Variants in ZAP70 observed in about 807,000 individuals in gnomAD.
ZAP70 encodes tyrosine-protein kinase ZAP-70.
In ZAP70, 27 loss-of-function variants were observed where a neutral mutation model predicts 65.8. The ratio of observed to expected loss-of-function variants is 0.41; its 90% CI spans 0.30 to 0.57. The LOEUF (loss-of-function observed/expected upper bound fraction) is 0.57. Ranked by LOEUF, ZAP70 falls within the 20% of genes least tolerant of loss-of-function variation. The pLI is 0.28. For missense variants in ZAP70, 696 were observed against 870.5 expected, an observed-to-expected ratio of 0.80 and a Z score of 2.52; for synonymous variants, 363 against 360.8, an observed-to-expected ratio of 1.01 and a Z score of -0.07.
chr2:97,715,607 C>T lies in ZAP70; in HGVS notation c.-22+1613C>T, dbSNP rs924716517. Among the ~76,000 whole-genome samples, 18 of 152,282 alleles carry T rather than the reference C, an allele frequency of 1.2e-4. No homozygotes were observed. The highest frequency in any genetic ancestry group is 3.9e-4 in the Admixed American group (6 of 15,300). Reference sequence around the variant, plus strand: ...ATCTGACCCTGACCCCGCACCAGCCCAGCTCTCCAGGGTCTCCTAATAGAC... The same window carrying T: ...ATCTGACCCTGACCCCGCACCAGCCTAGCTCTCCAGGGTCTCCTAATAGAC... On this transcript the variant is annotated intron_variant, in intron 2 of 13. Transcript: ENST00000264972. The surrounding 1 kb of genome is among the most constrained non-coding windows in gnomAD (Gnocchi z 4.1).
chr2:97,751,897 G>C, the ZAP70 span, among the ~76,000 whole-genome samples: 1 of 152,214 alleles, frequency 6.6e-6, no homozygotes, highest in Non-Finnish European at 1.5e-5. Flanking sequence ...CCATGAGAAT[G>C]GCACCAAGCC....
At chr2:97,745,509 C>T in the ZAP70 span, among the ~76,000 whole-genome samples, 1 of 152,170 alleles carries the variant, frequency 6.6e-6, no homozygotes, top group Non-Finnish European at 1.5e-5. Flanking sequence ...GGGCAAAAGA[C>T]TCGAACAGAC....
At chr2:97,720,768 C>T (rs1380059245) in intron 2 of ZAP70, among the ~76,000 whole-genome samples, 1 of 152,216 alleles carries the variant, frequency 6.6e-6, no homozygotes, top group Non-Finnish European at 1.5e-5. Context: ...ACTGTTGGGA[C>T]ATCCAGGACC....
In ZAP70 at chr2:97,736,632, G is replaced by A. The variant is rs1677896520; in HGVS notation, c.1290-841G>A. Among the ~76,000 whole-genome samples, 1 of 152,238 alleles carries A rather than the reference G, an allele frequency of 6.6e-6. No individual in the cohort carries two copies. Among genetic ancestry groups the A allele is most frequent in the Non-Finnish European group, 1.5e-5 (1 of 68,044 alleles). On this transcript the variant is annotated intron_variant, in intron 10 of 13. Transcript: ENST00000264972. The surrounding 1 kb of genome is among the most constrained non-coding windows in gnomAD (Gnocchi z 4.0). Reference sequence around the variant, plus strand: ...CTGCCGCAGCTCCAGGGGGTTGGGAGTGTTGGGGTGCGAGGTGCAGTGAGC... The same window carrying A: ...CTGCCGCAGCTCCAGGGGGTTGGGAATGTTGGGGTGCGAGGTGCAGTGAGC...
intron 4 of ZAP70, among the ~76,000 whole-genome samples, chr2:97,732,108 G>C (rs1343449801): frequency 6.6e-6 from 1 of 152,274 alleles, no homozygotes; most frequent in Non-Finnish European, 1.5e-5. Flanking sequence ...TGGGGGGACA[G>C]TTTCTTACCC....
intron 13 of ZAP70, chr2:97,738,620 A>T: frequency 4.8e-6 from 1 of 207,344 alleles, no homozygotes; most frequent in Non-Finnish European, 1.0e-5. Flanking sequence ...CCAACTTCCC[A>T]TCAGACAACA....
chr2:97,733,661 G>C, intron 8 of ZAP70, 66 bp downstream of exon 8: 1 of 1,605,072 alleles, frequency 6.2e-7, no homozygotes, highest in Non-Finnish European at 8.5e-7. Flanking sequence ...GTCGCTGTCA[G>C]GGCTGTGGGG....
intron 2 of ZAP70, among the ~76,000 whole-genome samples, chr2:97,719,562 G>T (rs75790961): frequency 0.051 from 7,525 of 148,510 alleles, 252 homozygotes; most frequent in Non-Finnish European, 0.077. Flanking sequence ...CTGGGGGGGG[G>T]GCGCAGACCA....
Position 97,725,099 on chromosome 2 carries a change from C to G in ZAP70, c.410C>G (p.Ala137Gly). Residue 137 changes from alanine to glycine, a missense_variant, in exon 4 of 14, where the codon GCC (alanine) becomes GGC (glycine). Ala to Gly is a moderately conservative substitution (Grantham distance 60). Coordinates refer to ENST00000264972, the MANE Select transcript of ZAP70 (RefSeq NM_001079.4). Reference sequence around the variant, plus strand: ...TCGCCTCTCCTTTTCTAGGGCGAGGCCCTGGAGCAGGCCATCATCAGCCAG... The same window carrying G: ...TCGCCTCTCCTTTTCTAGGGCGAGGGCCTGGAGCAGGCCATCATCAGCCAG... ...VRQTWKLEGEALEQAIISQAP... is the reference protein window; with the variant it reads ...VRQTWKLEGEGLEQAIISQAP... The G allele has an allele frequency of 3.1e-6, 5 of 1,614,062 alleles. No homozygotes were observed. Among genetic ancestry groups the G allele is most frequent in the Non-Finnish European group, 3.4e-6 (4 of 1,180,020 alleles).
Position 97,724,075 on chromosome 2 carries a change from C to T in ZAP70, c.39C>T (p.Gly13=). 1 of 1,558,866 alleles carries T rather than the reference C, an allele frequency of 6.4e-7. No individual in the cohort carries two copies. The highest frequency in any genetic ancestry group is 1.4e-5 in the African/African-American group (1 of 74,034). ...DPAAHLPFFY[G]SISRAEAEEH... is the part of the protein sequence containing the mutation. Reference sequence around the variant, plus strand: ...CGGCGCACCTGCCCTTCTTCTACGGCAGCATCTCGCGTGCCGAGGCCGAGG... The same window carrying T: ...CGGCGCACCTGCCCTTCTTCTACGGTAGCATCTCGCGTGCCGAGGCCGAGG... Residue 13 remains glycine, a synonymous_variant, in exon 3 of 14, where the codon GGC becomes GGT. Coordinates refer to ENST00000264972, the MANE Select transcript of ZAP70 (RefSeq NM_001079.4).
chr2:97,719,524 A>G (rs1261544364), intron 2 of ZAP70, among the ~76,000 whole-genome samples: 1 of 142,034 alleles, frequency 7.0e-6, no homozygotes, highest in African/African-American at 2.7e-5. Flanking sequence ...ACAGACTGCC[A>G]GGGGTGCTAT....
chr2:97,719,559 G>C lies in ZAP70; in HGVS notation c.-21-4457G>C, dbSNP rs370042418. Reference sequence around the variant, plus strand: ...TCAGTGCTGGAGAACAGCCTGGGGGGGGGGCGCAGACCAGGTCTGGCTGAG... The same window carrying C: ...TCAGTGCTGGAGAACAGCCTGGGGGCGGGGCGCAGACCAGGTCTGGCTGAG... On this transcript the variant is annotated intron_variant, in intron 2 of 13. Coordinates refer to ENST00000264972, the MANE Select transcript of ZAP70 (RefSeq NM_001079.4). 1.9e-3 allele frequency among the ~76,000 whole-genome samples: 285 copies of C among 151,030 alleles called. 1 individual carries two copies. Among genetic ancestry groups the C allele is most frequent in the African/African-American group, 4.8e-3 (199 of 41,106 alleles).
chr2:97,752,352 A>T, the ZAP70 span, among the ~76,000 whole-genome samples: 4 of 152,208 alleles, frequency 2.6e-5, no homozygotes. Context: ...TTTTACAGCT[A>T]TCTAATTATG....
intron 3 of ZAP70, chr2:97,724,719 C>T: frequency 6.6e-7 from 1 of 1,512,236 alleles, no homozygotes; most frequent in Non-Finnish European, 8.8e-7. Context: ...GAAGGCGAGG[C>T]TTGGAATGGG....
At chr2:97,742,342 T>G (rs1366851087), downstream of ZAP70, among the ~76,000 whole-genome samples, 1 of 152,268 alleles carries the variant, frequency 6.6e-6, no homozygotes, top group East Asian at 1.9e-4. Context: ...GCATTTCTCT[T>G]GTAAGTGGCG....
chr2:97,724,518 G>A (rs1677298442), intron 3 of ZAP70, 80 bp downstream of exon 3: 1 of 1,517,880 alleles, frequency 6.6e-7, no homozygotes. Context: ...GGGATAGGAG[G>A]GAGGAAAAGG....
intron 9 of ZAP70, 42 bp from the exon 10 acceptor site, chr2:97,735,208 G>A (rs767663656): frequency 5.6e-6 from 9 of 1,609,552 alleles, no homozygotes; most frequent in Admixed American, 1.7e-5. Flanking sequence ...GAGCAGGGCC[G>A]GTGCCCCTCG....
chr2:97,719,404 G>T (rs1207471677), intron 2 of ZAP70, among the ~76,000 whole-genome samples: 1 of 151,906 alleles, frequency 6.6e-6, no homozygotes, highest in African/African-American at 2.4e-5. Flanking sequence ...CAGGGAGTTT[G>T]TGAAGGACCA....
chr2:97,733,442 A>C (rs1292073385), intron 7 of ZAP70, 99 bp downstream of exon 7: 2 of 1,602,852 alleles, frequency 1.2e-6, no homozygotes, highest in Non-Finnish European at 1.7e-6. Context: ...GGAGCGGAAG[A>C]AGCTCTCTCT....
Sources: gnomAD v4.1 joint callset for allele counts (sites outside exome capture counted in the v4.1 genomes callset) on GRCh38, gnomAD v4.1.1 for gene constraint, Gnocchi (gnomAD v3.1) non-coding constraint, MANE v1.5 for transcripts, NCBI Gene and HGNC (gene_info 2026-07-23, HGNC 2026-07-21) for gene names.